Variants in VAC14 observed in about 807,000 individuals in gnomAD.
The protein encoded by VAC14 is protein VAC14 homolog.
VAC14 carries 47 observed loss-of-function variants against 85.3 expected under a neutral mutation model. The observed-to-expected ratio is 0.55, with a 90% confidence interval of 0.44 to 0.70. VAC14 has a LOEUF of 0.70. Ranked by LOEUF, VAC14 falls within the 30% of genes least tolerant of loss-of-function variation. The probability of loss-of-function intolerance (pLI) is 0.00; values close to 1 mark genes in which losing one functional copy is unlikely to be tolerated. For missense variants in VAC14, 861 were observed against 1,004.3 expected (o/e 0.86, Z 1.93); for synonymous variants, 447 against 430.5 (o/e 1.04, Z -0.47).
chr16:70,781,759 TG>T, intron 8 of VAC14, 109 bp downstream of exon 8: 3 of 1,442,200 alleles, frequency 2.1e-6, no homozygotes, highest in Non-Finnish European at 2.8e-6. Flanking sequence ...CTAGGGACTA[TG>T]GAAGTGTGAT....
chr16:70,795,494 TAAAA>T (rs71153603), intron 1 of VAC14, among the ~76,000 whole-genome samples: 3 of 91,930 alleles, frequency 3.3e-5, no homozygotes. Flanking sequence ...AGACTCTGTC[TAAAA>T]AAAAAAAAAA....
chr16:70,781,043 G>T, intron 8 of VAC14, 104 bp from the exon 9 acceptor site: 1 of 1,517,680 alleles, frequency 6.6e-7, no homozygotes, highest in Non-Finnish European at 8.9e-7. Context: ...CCTGGTGGGA[G>T]GGGTTTCGGT....
Position 70,785,846 on chromosome 16 carries a change from C to G in VAC14, c.279G>C (p.Glu93Asp). Reference sequence around the variant, plus strand: ...AGCAGGTCAGCACTGGCTCGATCAGCTCCTTCAGGTAGAGCCCTGAGTCCT... The same window carrying G: ...AGCAGGTCAGCACTGGCTCGATCAGGTCCTTCAGGTAGAGCCCTGAGTCCT... ...LGKDSGLYLK[E>D]LIEPVLTCFN... is the part of the protein sequence containing the mutation. Residue 93 changes from glutamate (E) to aspartate (D), a missense_variant, in exon 3 of 19, where the codon GAG becomes GAC. Coordinates refer to ENST00000261776, the MANE Select transcript of VAC14 (RefSeq NM_018052.5). 1 of 1,604,850 alleles carries G rather than the reference C, an allele frequency of 6.2e-7. No homozygotes were observed. The highest frequency in any genetic ancestry group is 8.5e-7 in the Non-Finnish European group (1 of 1,175,486).
chr16:70,694,728 C>G (rs1418614557), intron 17 of VAC14, among the ~76,000 whole-genome samples: 2 of 152,226 alleles, frequency 1.3e-5, no homozygotes, highest in East Asian at 3.9e-4. Context: ...TGTTGAGGTG[C>G]TGAGAGCTGT....
intron 15 of VAC14, 61 bp downstream of exon 15, chr16:70,698,576 A>G: frequency 1.9e-6 from 3 of 1,595,790 alleles, no homozygotes; most frequent in Non-Finnish European, 2.6e-6. Context: ...GCGGGCTCAC[A>G]CAGGGTGTGC....
chr16:70,785,819 GA>G lies in VAC14; in HGVS notation c.305del (p.Phe102SerfsTer38), dbSNP rs1567606317. The G allele has an allele frequency of 6.2e-7, 1 of 1,604,758 alleles. No homozygotes were observed. Among genetic ancestry groups the G allele is most frequent in the East Asian group, 2.2e-5 (1 of 44,686 alleles). ...AGCGCAGCCTGCTGTCTGCATCATT[GA>G]AGCAGGTCAGCACTGGCTCGATCAG... is the stretch of plus-strand genomic sequence containing the variant. ...KELIEPVLTCFNDADSRLRYY... is the reference protein window; with the variant it reads ...KELIEPVLTCXNDADSRLRYY... On this transcript the variant is annotated frameshift_variant, in exon 3 of 19. Coordinates refer to ENST00000261776, the MANE Select transcript of VAC14 (RefSeq NM_018052.5). LOFTEE classifies it high-confidence loss of function.
intron 10 of VAC14, chr16:70,771,207 G>A (rs1470244762): frequency 6.6e-6 from 1 of 152,268 alleles, no homozygotes; most frequent in Non-Finnish European, 1.5e-5. Flanking sequence ...ACCTTGCAGG[G>A]AGTATGGAGG....
chr16:70,712,072 C>A (rs575835916), intron 14 of VAC14, among the ~76,000 whole-genome samples: 1 of 152,052 alleles, frequency 6.6e-6, no homozygotes, highest in Non-Finnish European at 1.5e-5. Flanking sequence ...CTATTTGTAC[C>A]CTCCCCCACC....
intron 8 of VAC14, among the ~76,000 whole-genome samples, chr16:70,781,562 C>T (rs1358267983): frequency 2.0e-5 from 3 of 152,144 alleles, no homozygotes; most frequent in African/African-American, 7.2e-5. Context: ...TTCCTAAACC[C>T]TCCCACCAAC....
intron 14 of VAC14, among the ~76,000 whole-genome samples, chr16:70,727,352 T>A (rs2054459496): frequency 6.6e-6 from 1 of 152,218 alleles, no homozygotes; most frequent in Non-Finnish European, 1.5e-5. Context: ...TTTTATTTAT[T>A]TTTTTGAGAC....
chr16:70,735,956 C>T (rs145204669), intron 13 of VAC14, among the ~76,000 whole-genome samples: 1 of 152,358 alleles, frequency 6.6e-6, no homozygotes, highest in South Asian at 2.1e-4. Context: ...GAGGTGGCTG[C>T]AGAGACAGCT....
intron 14 of VAC14, among the ~76,000 whole-genome samples, chr16:70,700,482 C>T (rs2053803555): frequency 6.6e-6 from 1 of 152,214 alleles, no homozygotes; most frequent in South Asian, 2.1e-4. Flanking sequence ...AATTTTTCCA[C>T]CTTAATTAGG....
At chr16:70,763,152 G>T in intron 10 of VAC14, 127 bp from the exon 11 acceptor site, 1 of 1,354,418 alleles carries the variant, frequency 7.4e-7, no homozygotes, top group Non-Finnish European at 1.0e-6. Context: ...TAGGGGGATC[G>T]GGGGTCAGGG....
chr16:70,783,239 GCGGCT>G, intron 6 of VAC14, 100 bp from the exon 7 acceptor site: 1 of 1,332,894 alleles, frequency 7.5e-7, no homozygotes, highest in Non-Finnish European at 1.0e-6. Flanking sequence ...CACCCAGAGG[GCGGCT>G]TGGCTTTTGG....
At chr16:70,730,553 C>T (rs1020392754) in intron 14 of VAC14, among the ~76,000 whole-genome samples, 1 of 151,886 alleles carries the variant, frequency 6.6e-6, no homozygotes, top group Non-Finnish European at 1.5e-5. Flanking sequence ...AACCCCATCA[C>T]CCCAGGGGTT....
chr16:70,785,976 TTG>T, intron 2 of VAC14, 107 bp from the exon 3 acceptor site: 1 of 1,375,614 alleles, frequency 7.3e-7, no homozygotes, highest in African/African-American at 1.4e-5. Flanking sequence ...GCTCAGGCCT[TTG>T]TGTGAGGGCT....
intron 13 of VAC14, among the ~76,000 whole-genome samples, chr16:70,734,221 C>T (rs2054680710): frequency 6.6e-6 from 1 of 152,072 alleles, no homozygotes; most frequent in South Asian, 2.1e-4. Flanking sequence ...TCACTGCAGC[C>T]TCAAACTCCT....
Position 70,761,016 on chromosome 16 carries a change from T to C in VAC14, c.1371+1524A>G, listed in dbSNP as rs201612834. 2,714 of 300,812 alleles carry C rather than the reference T, an allele frequency of 9.0e-3. 202 individuals carry two copies. In the African/African-American group the frequency reaches 0.1, roughly 11 times the overall value. 18.6% of individuals were successfully genotyped at this position (300,812 alleles called of 1,614,324 possible). On this transcript the variant is annotated intron_variant, in intron 12 of 18. Transcript: ENST00000261776. ...GTGTGTGTGTGTGTGTGTGTGTGTG[T>C]GTGCATGGGGGGGCGGGGGGTAGGC...
At chr16:70,776,030 A>T (rs1260879757) in intron 9 of VAC14, among the ~76,000 whole-genome samples, 1 of 152,200 alleles carries the variant, frequency 6.6e-6, no homozygotes, top group Non-Finnish European at 1.5e-5. Flanking sequence ...CTATACCCTA[A>T]GCTTGCTATG....
Sources: gnomAD v4.1 joint callset for allele counts (sites outside exome capture counted in the v4.1 genomes callset) on GRCh38, gnomAD v4.1.1 for gene constraint, MANE v1.5 for transcripts, NCBI Gene and HGNC (gene_info 2026-07-23, HGNC 2026-07-21) for gene names.